Variants in USP17L2 observed in about 807,000 individuals in gnomAD.
USP17L2 encodes the protein ubiquitin carboxyl-terminal hydrolase 17.
USP17L2 carries 29 observed loss-of-function variants against 39.8 expected under a neutral mutation model. The ratio of observed to expected loss-of-function variants is 0.73; its 90% CI spans 0.54 to 0.99. USP17L2 has a LOEUF of 0.99. Ranked by LOEUF, USP17L2 falls within the 50% of genes least tolerant of loss-of-function variation. The pLI is 0.00. For synonymous variants in USP17L2, 231 were observed against 252.7 expected, an observed-to-expected ratio of 0.91 and a Z score of 0.81; for missense variants, 567 against 647.2, an observed-to-expected ratio of 0.88 and a Z score of 1.35.
chr8:12,138,609 A>T lies in USP17L2; in HGVS notation c.152T>A (p.Leu51His), dbSNP rs1803370231. The T allele has an allele frequency of 2.6e-6, 4 of 1,530,658 alleles. No homozygotes were observed. Among genetic ancestry groups the T allele is most frequent in the African/African-American group, 2.9e-5 (2 of 67,940 alleles). The allele number at this position is 1,530,658 out of a possible 1,614,324, so 94.8% of individuals were successfully genotyped here. ...TGCCACAGGAGCCAAATCATCACAG[A>T]GGTCGACACGGGCCTCAGATGAGAG... ...SPLSSEARVD[L>H]CDDLAPVARQ... Residue 51 changes from leucine (L) to histidine (H), a missense_variant, in exon 1 of 1, where the codon CTC becomes CAC. By Grantham distance (99) the Leu-to-His change is moderately conservative. Transcript: ENST00000333796.
the USP17L2 span, chr8:12,138,682 CA>C: frequency 6.7e-7 from 1 of 1,489,742 alleles, no homozygotes; most frequent in South Asian, 1.2e-5. Flanking sequence ...GCAAAAGCTG[CA>C]TCTGGCCGAG....
rs1254515894 is a variant in USP17L2 at position 12,136,618 on chromosome 8, A to T, written c.*550T>A. ...GTCCCAGGGCGCCTGAGGTCCATTC[A>T]GAAACCAATGTAAAAACGGTGAGCC... On this transcript the variant is annotated 3_prime_UTR_variant, in exon 1 of 1. Coordinates refer to ENST00000333796, the MANE Select transcript of USP17L2 (RefSeq NM_201402.3). Among the ~76,000 whole-genome samples, 6 of 140,616 alleles carry T rather than the reference A, an allele frequency of 4.3e-5. 1 individual carries two copies. Among genetic ancestry groups the T allele is most frequent in the Admixed American group, 3.6e-4 (5 of 13,830 alleles). 92.2% of individuals were successfully genotyped at this position (140,616 alleles called of 152,430 possible).
In USP17L2 at chr8:12,137,278, T is replaced by G. The variant is rs753753772; in HGVS notation, c.1483A>C (p.Thr495Pro). ...CCAGTGTTCACGGACTCCTGATCTG[T>G]CCGGGTCGTCGAAGAGAGGTTTAGC... ...SLLNLSSTTR[T>P]DQESVNTGTL... is the part of the protein sequence containing the mutation. The change falls in exon 1 of 1, where the codon ACA (threonine) becomes CCA (proline). Residue 495 changes from threonine (T) to proline (P), a missense_variant. By Grantham distance (38) the Thr-to-Pro change is conservative. Around this residue, in one of 6 missense-constraint regions of USP17L2, gnomAD observed 304 missense variants for 254.7 expected, o/e 1.19. Coordinates refer to ENST00000333796, the MANE Select transcript of USP17L2 (RefSeq NM_201402.3). The G allele has an allele frequency of 2.2e-5, 34 of 1,530,816 alleles. 3 individuals are homozygous for G. Among genetic ancestry groups the G allele is most frequent in the Non-Finnish European group, 2.9e-5 (33 of 1,135,078 alleles). The allele number at this position is 1,530,816 out of a possible 1,614,324, so 94.8% of individuals were successfully genotyped here.
At position 12,138,765 on chromosome 8, in the gene USP17L2, C is replaced by T. The variant is rs200443434; in HGVS notation, c.-5G>A. On this transcript the variant is annotated 5_prime_UTR_variant, in exon 1 of 1. Transcript: ENST00000333796. Reference sequence around the variant, plus strand: ...GTAGAGTGAGTCGTCCTCCATGTCGCCCGCAACAAGGATCACAAGGTTTTT... The same window carrying T: ...GTAGAGTGAGTCGTCCTCCATGTCGTCCGCAACAAGGATCACAAGGTTTTT... 3.1e-6 allele frequency: 4 copies of T among 1,282,076 alleles called. No homozygotes were observed. The highest frequency in any genetic ancestry group is 2.2e-6 in the Non-Finnish European group (2 of 914,472). The allele number at this position is 1,282,076 out of a possible 1,614,324, so 79.4% of individuals were successfully genotyped here.
At position 12,137,358 on chromosome 8, in the gene USP17L2, T is replaced by G. The variant is rs1585166258; in HGVS notation, c.1403A>C (p.Gln468Pro). ...TLPPNVLVIH[Q>P]SKYKCGMKNH... Reference sequence around the variant, plus strand: ...TTTCATCCCACACTTGTATTTCGATTGATGAATCACAAGTACGTTGGGAGG... The same window carrying G: ...TTTCATCCCACACTTGTATTTCGATGGATGAATCACAAGTACGTTGGGAGG... The change falls in exon 1 of 1, where the codon CAA becomes CCA. Residue 468 changes from glutamine to proline, a missense_variant. By Grantham distance (76) the Gln-to-Pro change is moderately conservative. Transcript: ENST00000333796. 6.5e-7 allele frequency: 1 copy of G among 1,531,566 alleles called. No homozygotes were observed. The highest frequency in any genetic ancestry group is 1.2e-5 in the South Asian group (1 of 81,314). 94.9% of individuals were successfully genotyped at this position (1,531,566 alleles called of 1,614,324 possible).
chr8:12,137,091 G>A lies in USP17L2; in HGVS notation c.*77C>T, dbSNP rs538965023. Reference sequence around the variant, plus strand: ...TGTTTGTGTGTGTGTGTGTGTTTGCGTGCGCGCTTGTGGGTGTATTTGTGC... The same window carrying A: ...TGTTTGTGTGTGTGTGTGTGTTTGCATGCGCGCTTGTGGGTGTATTTGTGC... On this transcript the variant is annotated 3_prime_UTR_variant, in exon 1 of 1. Coordinates refer to ENST00000333796, the MANE Select transcript of USP17L2 (RefSeq NM_201402.3). 5.5e-5 allele frequency: 78 copies of A among 1,415,488 alleles called. 5 individuals are homozygous for A. Among genetic ancestry groups the A allele is most frequent in the Middle Eastern group, 2.6e-4 (1 of 3,816 alleles). The allele number at this position is 1,415,488 out of a possible 1,614,324, so 87.7% of individuals were successfully genotyped here.
At chr8:12,137,382 G>GGC in the USP17L2 span, 1 of 1,531,804 alleles carries the variant, frequency 6.5e-7, no homozygotes, top group African/African-American at 1.5e-5. Context: ...TACGTTGGGA[G>GGC]GCAGGGTACC....
At chr8:12,137,173 G>A in the USP17L2 span, 10 of 1,530,620 alleles carry the variant, frequency 6.5e-6, 1 homozygote, top group Admixed American at 1.8e-5. Flanking sequence ...TGAGATCACT[G>A]GCACACAAGC....
At position 12,138,829 on chromosome 8, in the gene USP17L2, C is replaced by T. The variant is rs1803387632; in HGVS notation, c.-69G>A. 6.1e-6 allele frequency: 6 copies of T among 976,678 alleles called. 1 individual carries two copies. The South Asian group carries it at 8.7e-5, about 14-fold the overall frequency. The allele number at this position is 976,678 out of a possible 1,614,324, so 60.5% of individuals were successfully genotyped here. A position where few individuals can be genotyped will look rare whatever the true frequency, so the allele number is the denominator to read the frequency against. On this transcript the variant is annotated 5_prime_UTR_variant, in exon 1 of 1. Transcript: ENST00000333796. ...AGGTTGCAGCAAGACGCTATCTCTT[C>T]CAAGAGAGTCTTCAAATGACGAGCT...
At position 12,138,705 on chromosome 8, in the gene USP17L2, T is replaced by C. The variant is rs1563163368; in HGVS notation, c.56A>G (p.Lys19Arg). ...TGCATCTGGCCGAGAAGATGTGAGTTTTGAAAAGTGGTTGAACTGCCACTC... is the reference window on the plus strand; with the variant it reads ...TGCATCTGGCCGAGAAGATGTGAGTCTTGAAAAGTGGTTGAACTGCCACTC... ...GGEWQFNHFS[K>R]LTSSRPDAAF... Residue 19 changes from lysine to arginine, a missense_variant, in exon 1 of 1, where the codon AAA becomes AGA. Transcript: ENST00000333796. The C allele has an allele frequency of 6.9e-7, 1 of 1,456,344 alleles. No homozygotes were observed. Among genetic ancestry groups the C allele is most frequent in the Non-Finnish European group, 9.4e-7 (1 of 1,068,626 alleles). The allele number at this position is 1,456,344 out of a possible 1,614,324, so 90.2% of individuals were successfully genotyped here.
rs1396194283 is a variant in USP17L2 at position 12,137,077 on chromosome 8, G to A, written c.*91C>T. On this transcript the variant is annotated 3_prime_UTR_variant, in exon 1 of 1. Transcript: ENST00000333796. The stretch of plus-strand genomic sequence containing the variant: ...ATTGACGGTGTTCGTGTTTGTGTGT[G>A]TGTGTGTGTTTGCGTGCGCGCTTGT... 7.4e-7 allele frequency: 1 copy of A among 1,357,052 alleles called. No homozygotes were observed. Among genetic ancestry groups the A allele is most frequent in the African/African-American group, 1.5e-5 (1 of 64,630 alleles). The allele number at this position is 1,357,052 out of a possible 1,614,324, so 84.1% of individuals were successfully genotyped here.
Position 12,138,424 on chromosome 8 carries a change from G to C in USP17L2, c.337C>G (p.His113Asp), listed in dbSNP as rs113108697. ...TTGGGACGCTGACATGTTTGAGAGTGCTCCCGGGACAGCATGTAGTTGGCA... is the reference window on the plus strand; with the variant it reads ...TTGGGACGCTGACATGTTTGAGAGTCCTCCCGGGACAGCATGTAGTTGGCA... ...PLANYMLSRE[H>D]SQTCQRPKCC... The change falls in exon 1 of 1, where the codon CAC becomes GAC. Residue 113 changes from histidine to aspartate, a missense_variant. Coordinates refer to ENST00000333796, the MANE Select transcript of USP17L2 (RefSeq NM_201402.3). The C allele has an allele frequency of 1.8e-5, 27 of 1,516,702 alleles. 1 individual carries two copies. The highest frequency in any genetic ancestry group is 3.7e-5 in the South Asian group (3 of 81,884). The allele number at this position is 1,516,702 out of a possible 1,614,324, so 94.0% of individuals were successfully genotyped here.
chr8:12,137,840 C>T lies in USP17L2; in HGVS notation c.921G>A (p.Met307Ile), dbSNP rs749836734. ...YPECLDMQPY[M>I]SQQNTGPLVY... ...CAAGAGGTCCTGTGTTCTGCTGAGA[C>T]ATGTATGGCTGCATGTCAAGGCACT... The change falls in exon 1 of 1, where the codon ATG becomes ATA. Residue 307 changes from methionine to isoleucine, a missense_variant. By Grantham distance (10) the Met-to-Ile change is conservative (BLOSUM62 1). Around this residue, in one of 6 missense-constraint regions of USP17L2, gnomAD observed 65 missense variants for 84.8 expected, o/e 0.77. Transcript: ENST00000333796. 6.1e-6 allele frequency: 9 copies of T among 1,483,234 alleles called. No individual in the cohort carries two copies. The highest frequency in any genetic ancestry group is 1.5e-5 in the African/African-American group (1 of 67,504). 91.9% of individuals were successfully genotyped at this position (1,483,234 alleles called of 1,614,324 possible). A position where few individuals can be genotyped will look rare whatever the true frequency, so the allele number is the denominator to read the frequency against.
rs74324142 is a variant in USP17L2 at position 12,138,641 on chromosome 8, C to A, written c.120G>T (p.Lys40Asn). The change falls in exon 1 of 1, where the codon AAG becomes AAT. Residue 40 changes from lysine to asparagine, a missense_variant. By Grantham distance (94) the Lys-to-Asn change is moderately conservative. Coordinates refer to ENST00000333796, the MANE Select transcript of USP17L2 (RefSeq NM_201402.3). ...AEIQRTSLPE[K>N]SPLSSEARVD... ...CACGGGCCTCAGATGAGAGTGGTGA[C>A]TTCTCAGGGAGAGAAGTCCGCTGGA... The A allele has an allele frequency of 2.0e-6, 3 of 1,525,084 alleles. No homozygotes were observed. The highest frequency in any genetic ancestry group is 2.7e-6 in the Non-Finnish European group (3 of 1,130,326). The allele number at this position is 1,525,084 out of a possible 1,614,324, so 94.5% of individuals were successfully genotyped here. A position where few individuals can be genotyped will look rare whatever the true frequency, so the allele number is the denominator to read the frequency against.
rs1803238858 is a variant in USP17L2 at position 12,136,798 on chromosome 8, A to G, written c.*370T>C. ...GACGAATGAAACACACCCCAAGAGA[A>G]AATAGGAAACCGAGTCCCCTGCAAT... On this transcript the variant is annotated 3_prime_UTR_variant, in exon 1 of 1. Coordinates refer to ENST00000333796, the MANE Select transcript of USP17L2 (RefSeq NM_201402.3). Among the ~76,000 whole-genome samples the G allele has an allele frequency of 7.1e-6, 1 of 140,734 alleles. No individual in the cohort carries two copies. Among genetic ancestry groups the G allele is most frequent in the African/African-American group, 2.7e-5 (1 of 37,336 alleles). The allele number at this position is 140,734 out of a possible 152,430, so 92.3% of individuals were successfully genotyped here.
rs1266238853 is a variant in USP17L2, at chr8:12,137,991, C to A, written c.770G>T (p.Cys257Phe). ...CTTGGAGGCCGGCGCCCTCTGGAGA[C>A]AAAGACCGCAATGATAGGCATTCTC... ...NGENAYHCGL[C>F]LQRAPASKTL... The change falls in exon 1 of 1, where the codon TGT (cysteine) becomes TTT (phenylalanine). Residue 257 changes from cysteine to phenylalanine, a missense_variant. By Grantham distance (205) the Cys-to-Phe change is radical. This residue lies in a region of USP17L2 where 65 missense variants were observed against 84.8 expected (regional missense o/e 0.77). Coordinates refer to ENST00000333796, the MANE Select transcript of USP17L2 (RefSeq NM_201402.3). 1.3e-6 allele frequency: 2 copies of A among 1,485,386 alleles called. No homozygotes were observed. Among genetic ancestry groups the A allele is most frequent in the South Asian group, 2.5e-5 (2 of 80,752 alleles). The allele number at this position is 1,485,386 out of a possible 1,614,324, so 92.0% of individuals were successfully genotyped here.
rs1451579439 is a variant in USP17L2, at chr8:12,137,799, G to A, written c.962C>T (p.Ala321Val). Residue 321 changes from alanine to valine, a missense_variant, in exon 1 of 1, where the codon GCT (alanine) becomes GTT (valine). Around this residue, in one of 6 missense-constraint regions of USP17L2, gnomAD observed 304 missense variants for 254.7 expected, o/e 1.19. Transcript: ENST00000333796. ...NTGPLVYVLY[A>V]VLVHAGWSCH... ...ACTCCACCCAGCGTGGACCAGCACA[G>A]CATAGAGGACATAGACAAGAGGTCC... The A allele has an allele frequency of 2.7e-6, 4 of 1,485,704 alleles. 1 individual carries two copies. Among genetic ancestry groups the A allele is most frequent in the East Asian group, 5.2e-5 (2 of 38,310 alleles). 92.0% of individuals were successfully genotyped at this position (1,485,704 alleles called of 1,614,324 possible).
chr8:12,137,127 G>A lies in USP17L2; in HGVS notation c.*41C>T. On this transcript the variant is annotated 3_prime_UTR_variant, in exon 1 of 1. Coordinates refer to ENST00000333796, the MANE Select transcript of USP17L2 (RefSeq NM_201402.3). Reference sequence around the variant, plus strand: ...TGGGTGTATTTGTGCGTGTGTGTGTGTGCGTTCACCCCTACGTGTGGGTCG... The same window carrying A: ...TGGGTGTATTTGTGCGTGTGTGTGTATGCGTTCACCCCTACGTGTGGGTCG... 1 of 1,510,142 alleles carries A rather than the reference G, an allele frequency of 6.6e-7. No individual in the cohort carries two copies. The highest frequency in any genetic ancestry group is 9.0e-7 in the Non-Finnish European group (1 of 1,116,848). The allele number at this position is 1,510,142 out of a possible 1,614,324, so 93.5% of individuals were successfully genotyped here.
rs1362964696 is a variant in USP17L2 at position 12,136,636 on chromosome 8, G to A, written c.*532C>T. Among the ~76,000 whole-genome samples the A allele has an allele frequency of 7.1e-6, 1 of 140,208 alleles. No homozygotes were observed. The highest frequency in any genetic ancestry group is 2.7e-5 in the African/African-American group (1 of 37,224). 92.0% of individuals were successfully genotyped at this position (140,208 alleles called of 152,430 possible). On this transcript the variant is annotated 3_prime_UTR_variant, in exon 1 of 1. Coordinates refer to ENST00000333796, the MANE Select transcript of USP17L2 (RefSeq NM_201402.3). The stretch of plus-strand genomic sequence containing the variant: ...TCCATTCAGAAACCAATGTAAAAAC[G>A]GTGAGCCAGGGTAAGAAAGAAGAGC...
Sources: allele counts gnomAD v4.1 joint callset (sites outside exome capture counted in the v4.1 genomes callset), GRCh38; gene constraint gnomAD v4.1.1; regional missense constraint gnomAD v4.1.1; transcripts MANE v1.5; gene names NCBI Gene and HGNC (gene_info 2026-07-23, HGNC 2026-07-21).